The following STPG2 variants were observed in gnomAD, a reference collection of about 807,000 sequenced individuals.
The protein encoded by STPG2 is sperm-tail PG-rich repeat-containing protein 2.
In STPG2, 56 loss-of-function variants were observed where a neutral mutation model predicts 54.2. The ratio of observed to expected loss-of-function variants is 1.03; its 90% confidence interval spans 0.83 to 1.29. STPG2 has a LOEUF of 1.29. Ranked by LOEUF, STPG2 falls within the 50% of genes most tolerant of loss-of-function variation. The pLI is 0.00. For missense variants in STPG2, 596 were observed against 544.9 expected, an observed-to-expected ratio of 1.09 and a Z score of -0.93; for synonymous variants, 200 against 181.8, an observed-to-expected ratio of 1.10 and a Z score of -0.81.
At chr4:98,064,219 A>C (rs928017365) in intron 5 of STPG2, among the ~76,000 whole-genome samples, 1 of 152,218 alleles carries the variant, frequency 6.6e-6, no homozygotes, top group African/African-American at 2.4e-5. Flanking sequence ...TCAGTAAGAA[A>C]ATTTTGCCAC....
At chr4:97,790,140 G>A (rs1045334840) in intron 9 of STPG2, among the ~76,000 whole-genome samples, 7 of 151,272 alleles carry the variant, frequency 4.6e-5, no homozygotes, top group African/African-American at 1.2e-4. Context: ...ATGTAGGCGG[G>A]GATCTTTTCT....
chr4:97,918,930 ACCAAACACCACC>A, intron 8 of STPG2, among the ~76,000 whole-genome samples: 1 of 152,182 alleles, frequency 6.6e-6, no homozygotes, highest in Non-Finnish European at 1.5e-5. Flanking sequence ...TATTTATGTA[ACCAAACACCACC>A]TGTTCCCCAA....
At chr4:97,760,763 G>A (rs1725867822) in intron 9 of STPG2, among the ~76,000 whole-genome samples, 2 of 152,112 alleles carry the variant, frequency 1.3e-5, no homozygotes, top group African/African-American at 2.4e-5. Flanking sequence ...CAAATATAGT[G>A]GCTTAAAACA....
chr4:97,610,172 T>G (rs898194319), intron 10 of STPG2, among the ~76,000 whole-genome samples: 1 of 151,978 alleles, frequency 6.6e-6, no homozygotes, highest in Admixed American at 6.6e-5. Context: ...GCAGTGAAAA[T>G]TAGGATGAGT....
chr4:97,559,406 T>C (rs1392593184), intron 10 of STPG2, among the ~76,000 whole-genome samples: 1 of 152,198 alleles, frequency 6.6e-6, no homozygotes, highest in African/African-American at 2.4e-5. Flanking sequence ...TAGTCTGTTG[T>C]CTAGGCCCAC....
At chr4:97,943,111 G>A (rs1733053339) in intron 8 of STPG2, among the ~76,000 whole-genome samples, 1 of 152,084 alleles carries the variant, frequency 6.6e-6, no homozygotes, top group South Asian at 2.1e-4. Context: ...TATCTTCTCT[G>A]AGTCCTCATG....
At chr4:98,058,531 C>T (rs1459785914) in intron 5 of STPG2, among the ~76,000 whole-genome samples, 4 of 152,142 alleles carry the variant, frequency 2.6e-5, no homozygotes, top group Non-Finnish European at 5.9e-5. Context: ...TATACAGGTA[C>T]CCAATGCAAG....
At chr4:98,008,724 T>C (rs915387438) in intron 5 of STPG2, among the ~76,000 whole-genome samples, 1 of 151,834 alleles carries the variant, frequency 6.6e-6, no homozygotes, top group South Asian at 2.1e-4. Context: ...GAATAAAGCC[T>C]CACATATCAA....
chr4:97,953,147 C>G (rs1177783618), intron 7 of STPG2, among the ~76,000 whole-genome samples: 2 of 152,104 alleles, frequency 1.3e-5, no homozygotes, highest in Non-Finnish European at 2.9e-5. Flanking sequence ...CTGACTCTAC[C>G]CATGCAGGGC....
intron 9 of STPG2, among the ~76,000 whole-genome samples, chr4:97,758,631 G>A (rs572522132): frequency 3.3e-5 from 5 of 152,136 alleles, no homozygotes; most frequent in South Asian, 2.1e-4. Flanking sequence ...AGGGGGGTGC[G>A]GGGAGAGGGG....
At chr4:97,573,358 G>A (rs567901730) in intron 10 of STPG2, among the ~76,000 whole-genome samples, 5 of 151,948 alleles carry the variant, frequency 3.3e-5, no homozygotes, top group Admixed American at 6.6e-5. Context: ...CACCCAAACC[G>A]CACAAGTAAC....
chr4:97,801,739 T>A (rs928045475), intron 9 of STPG2, among the ~76,000 whole-genome samples: 1 of 152,184 alleles, frequency 6.6e-6, no homozygotes, highest in Non-Finnish European at 1.5e-5. Context: ...CCTTTTTTTT[T>A]ACTTTCTTCA....
Position 98,084,288 on chromosome 4 carries a change from T to C in STPG2, c.612+21665A>G, listed in dbSNP as rs375032278. ...TATGAATGAGTCATTCTATAGGTAG[T>C]TCTTTATAGTGCTAAATAGTATTAC... On this transcript the variant is annotated intron_variant, in intron 5 of 10. Coordinates refer to ENST00000295268, the MANE Select transcript of STPG2 (RefSeq NM_174952.3). 2.6e-5 allele frequency among the ~76,000 whole-genome samples: 4 copies of C among 152,326 alleles called. No individual in the cohort carries two copies. The South Asian group carries it at 6.2e-4, about 24-fold the overall frequency.
At chr4:97,585,312 A>G (rs1911792) in intron 10 of STPG2, among the ~76,000 whole-genome samples, 73,355 of 151,596 alleles carry the variant, frequency 0.48, 18,601 homozygotes, top group South Asian at 0.64. Context: ...AATGGGATCA[A>G]TCAAGAACCT....
intron 8 of STPG2, among the ~76,000 whole-genome samples, chr4:97,879,147 A>G (rs1385490954): frequency 6.6e-6 from 1 of 151,942 alleles, no homozygotes; most frequent in Non-Finnish European, 1.5e-5. Context: ...TATCATTATC[A>G]GAATTTTGGC....
At chr4:98,125,224 G>A (rs1739796021) in intron 3 of STPG2, among the ~76,000 whole-genome samples, 1 of 152,160 alleles carries the variant, frequency 6.6e-6, no homozygotes, top group Non-Finnish European at 1.5e-5. Context: ...TGCTGAAGAG[G>A]TATTGCAATC....
chr4:97,794,357 A>G (rs2149083231), intron 9 of STPG2, among the ~76,000 whole-genome samples: 1 of 152,268 alleles, frequency 6.6e-6, no homozygotes, highest in East Asian at 1.9e-4. Flanking sequence ...TGATGTCTTA[A>G]GTTATAGAGA....
intron 5 of STPG2, among the ~76,000 whole-genome samples, chr4:98,066,660 T>TA (rs775494310): frequency 4.0e-4 from 61 of 152,240 alleles, no homozygotes; most frequent in Middle Eastern, 3.4e-3. Context: ...AAATATATCT[T>TA]AATCTGTAGG....
chr4:97,599,702 T>C (rs1330626744), intron 10 of STPG2, among the ~76,000 whole-genome samples: 1 of 151,560 alleles, frequency 6.6e-6, no homozygotes, highest in Non-Finnish European at 1.5e-5. Context: ...CGGGCACCCA[T>C]AGTCCCAGCT....
Sources: allele counts gnomAD v4.1 joint callset (sites outside exome capture counted in the v4.1 genomes callset), GRCh38; gene constraint gnomAD v4.1.1; transcripts MANE v1.5; gene names NCBI Gene and HGNC (gene_info 2026-07-23, HGNC 2026-07-21).